The following ITGB3 variants were observed in gnomAD, a reference collection of about 807,000 sequenced individuals.
ITGB3 encodes integrin beta-3.
In ITGB3, 48 loss-of-function variants were observed where a neutral mutation model predicts 85.8. The observed-to-expected ratio is 0.56, with a 90% CI of 0.44 to 0.71. ITGB3 has a LOEUF of 0.71. ITGB3 is among the 30% of genes least tolerant of loss of function. The pLI, the probability that ITGB3 is intolerant of heterozygous loss-of-function variation, is 0.00. For missense variants in ITGB3, 861 were observed against 1,019.1 expected, an observed-to-expected ratio of 0.84 and a Z score of 2.11; for synonymous variants, 363 against 395.6, an observed-to-expected ratio of 0.92 and a Z score of 0.98.
Position 47,299,294 on chromosome 17 carries a change from CTG to C in ITGB3, c.1691-8_1691-7del. The C allele has an allele frequency of 6.2e-7, 1 of 1,612,854 alleles. No individual in the cohort carries two copies. The highest frequency in any genetic ancestry group is 8.5e-7 in the Non-Finnish European group (1 of 1,179,658). ...TCGCCAGCGGGTCCACCTTCCTGGG[CTG>C]TGTGTTTTCAGGCCATGGCCAGTGC... is the stretch of plus-strand genomic sequence containing the variant. On this transcript the variant is annotated splice_polypyrimidine_tract_variant and intron_variant, in intron 10 of 14. Coordinates refer to ENST00000559488, the MANE Select transcript of ITGB3 (RefSeq NM_000212.3). The surrounding 1 kb of genome is among the most constrained non-coding windows in gnomAD (Gnocchi z 5.1).
chr17:47,284,494 T>C lies in ITGB3; in HGVS notation c.413T>C (p.Val138Ala). ...GTGCGGCAGGTGGAGGATTACCCTG[T>C]GGACATCTACTACTTGATGGACCTG... ...IQVRQVEDYP[V>A]DIYYLMDLSY... The change falls in exon 4 of 15, where the codon GTG becomes GCG. Residue 138 changes from valine to alanine, a missense_variant. Val to Ala is a moderately conservative substitution (Grantham distance 64). Coordinates refer to ENST00000559488, the MANE Select transcript of ITGB3 (RefSeq NM_000212.3). 6.2e-7 allele frequency: 1 copy of C among 1,614,148 alleles called. No homozygotes were observed. The highest frequency in any genetic ancestry group is 1.1e-5 in the South Asian group (1 of 91,080).
chr17:47,276,290 G>C (rs1213626257), intron 2 of ITGB3, among the ~76,000 whole-genome samples: 2 of 152,092 alleles, frequency 1.3e-5, no homozygotes, highest in African/African-American at 4.8e-5. Context: ...ATCTGTATAG[G>C]GACTAGCCAT....
chr17:47,259,173 T>C (rs1241644036), intron 1 of ITGB3, among the ~76,000 whole-genome samples: 1 of 152,242 alleles, frequency 6.6e-6, no homozygotes, highest in Non-Finnish European at 1.5e-5. Flanking sequence ...CCAACACTTA[T>C]TATTCTTGCT....
intron 10 of ITGB3, among the ~76,000 whole-genome samples, chr17:47,297,980 C>T (rs1335593766): frequency 2.6e-5 from 4 of 151,798 alleles, no homozygotes; most frequent in African/African-American, 9.7e-5. Context: ...AAAGTAGATA[C>T]ACATTCTCTT....
intron 2 of ITGB3, among the ~76,000 whole-genome samples, chr17:47,280,352 T>TTTTTTG (rs2065079489): frequency 6.6e-6 from 1 of 151,924 alleles, no homozygotes; most frequent in Admixed American, 6.6e-5. Flanking sequence ...GTTACAGGGT[T>TTTTTTG]TTTTTGTTTT....
intron 1 of ITGB3, among the ~76,000 whole-genome samples, chr17:47,254,363 C>T (rs1293219161): frequency 6.6e-6 from 1 of 152,202 alleles, no homozygotes; most frequent in African/African-American, 2.4e-5. Context: ...CAGAGGGATG[C>T]CGCTGTAGCT....
At chr17:47,291,854 G>T (rs1013922873) in intron 9 of ITGB3, among the ~76,000 whole-genome samples, 2 of 152,148 alleles carry the variant, frequency 1.3e-5, no homozygotes, top group Non-Finnish European at 2.9e-5. Flanking sequence ...GTTTGAGCTG[G>T]TCTATTTCAT....
At chr17:47,279,675 C>G in intron 2 of ITGB3, 1 of 152,268 alleles carries the variant, frequency 6.6e-6, no homozygotes. Context: ...CATTCTCTCC[C>G]TCTGCTGATG....
chr17:47,275,857 G>C (rs2065061748), intron 2 of ITGB3, among the ~76,000 whole-genome samples: 3 of 152,274 alleles, frequency 2.0e-5, no homozygotes, highest in South Asian at 2.1e-4. Context: ...AGGGGTGTAA[G>C]GGGGGCATGG....
chr17:47,259,848 G>A (rs1478047743), intron 1 of ITGB3, among the ~76,000 whole-genome samples: 4 of 152,152 alleles, frequency 2.6e-5, no homozygotes, highest in African/African-American at 7.2e-5. Context: ...GCAGTGAGCC[G>A]AGATTGTGCC....
chr17:47,295,472 C>T (rs1340312190), intron 10 of ITGB3, among the ~76,000 whole-genome samples: 5 of 152,194 alleles, frequency 3.3e-5, no homozygotes, highest in Non-Finnish European at 7.3e-5. Flanking sequence ...GACTCAGCCT[C>T]CCTTTTGCTG....
intron 1 of ITGB3, among the ~76,000 whole-genome samples, chr17:47,272,339 C>A (rs1377774028): frequency 6.6e-6 from 1 of 152,074 alleles, no homozygotes; most frequent in Non-Finnish European, 1.5e-5. Context: ...CAGGTGTGAG[C>A]CACTGCGCTT....
At chr17:47,283,320 T>C (rs916435702) in intron 2 of ITGB3, 34 bp from the exon 3 acceptor site, 2 of 1,610,654 alleles carry the variant, frequency 1.2e-6, no homozygotes, top group Non-Finnish European at 1.7e-6. Context: ...ATAGCTCTGA[T>C]TGCTGGACTT....
At chr17:47,296,577 CAT>C (rs1234928425) in intron 10 of ITGB3, among the ~76,000 whole-genome samples, 1 of 152,128 alleles carries the variant, frequency 6.6e-6, no homozygotes, top group East Asian at 1.9e-4. Flanking sequence ...CAAGTTGACT[CAT>C]ACTTTAAAAC....
Position 47,291,093 on chromosome 17 carries a change from G to A in ITGB3, c.1260+5G>A. The A allele has an allele frequency of 6.2e-7, 1 of 1,614,128 alleles. No individual in the cohort carries two copies. Among genetic ancestry groups the A allele is most frequent in the Middle Eastern group, 1.7e-4 (1 of 6,060 alleles). ...GGACTCAAGATTGGAGACACGGTGA[G>A]GTGGGCTGGGCAGGGCCTTTGTCCT... On this transcript the variant is annotated splice_donor_5th_base_variant and intron_variant, in intron 9 of 14. Transcript: ENST00000559488.
At chr17:47,254,028 A>T in intron 1 of ITGB3, 88 bp downstream of exon 1, 1 of 883,780 alleles carries the variant, frequency 1.1e-6, no homozygotes. Flanking sequence ...GCAAACGCGG[A>T]GGGCTGGTCC....
At chr17:47,258,390 G>C (rs576210318) in intron 1 of ITGB3, among the ~76,000 whole-genome samples, 1 of 152,008 alleles carries the variant, frequency 6.6e-6, no homozygotes, top group East Asian at 1.9e-4. Flanking sequence ...AAAAGTGATA[G>C]CATCTGCCTT....
chr17:47,257,887 C>G (rs58030886), intron 1 of ITGB3, among the ~76,000 whole-genome samples: 5,526 of 152,202 alleles, frequency 0.036, 323 homozygotes, highest in African/African-American at 0.12. Context: ...CCTGGGAAGA[C>G]CATAAGATGG....
intron 1 of ITGB3, among the ~76,000 whole-genome samples, chr17:47,266,757 T>A (rs1177445900): frequency 6.6e-6 from 1 of 151,884 alleles, no homozygotes; most frequent in East Asian, 1.9e-4. Context: ...TTTAAAAAAA[T>A]TTTCATAGAG....
Sources: gnomAD v4.1 joint callset for allele counts (sites outside exome capture counted in the v4.1 genomes callset) on GRCh38, gnomAD v4.1.1 for gene constraint, Gnocchi (gnomAD v3.1) non-coding constraint, MANE v1.5 for transcripts, NCBI Gene and HGNC (gene_info 2026-07-23, HGNC 2026-07-21) for gene names.